CD48: variants seen among roughly 807,000 people sequenced by gnomAD.
CD48 encodes the protein CD48 antigen.
A neutral mutation model predicts 22.0 loss-of-function variants in CD48; 20 were observed. The ratio of observed to expected loss-of-function variants is 0.91; its 90% CI spans 0.64 to 1.32. The LOEUF is 1.32. CD48 is among the 40% of genes most tolerant of loss of function. The probability of loss-of-function intolerance (pLI) is 0.00; values close to 1 mark genes in which losing one functional copy is unlikely to be tolerated. For synonymous variants in CD48, 110 were observed against 110.1 expected, an observed-to-expected ratio of 1.00 and a Z score of 0.01; for missense variants, 307 against 286.5, an observed-to-expected ratio of 1.07 and a Z score of -0.52.
At chr1:160,680,198 A>G (rs1661743591) in intron 3 of CD48, among the ~76,000 whole-genome samples, 1 of 152,216 alleles carries the variant, frequency 6.6e-6, no homozygotes, top group Admixed American at 6.5e-5. Flanking sequence ...GGTCTGAGTT[A>G]TTCTAGAAGA....
chr1:160,709,846 C>T (rs1486538297), intron 1 of CD48, among the ~76,000 whole-genome samples: 1 of 152,228 alleles, frequency 6.6e-6, no homozygotes, highest in African/African-American at 2.4e-5. Flanking sequence ...AGCAGCACAA[C>T]ACTGCACATG....
At chr1:160,681,841 C>T (rs1370848093) in intron 2 of CD48, among the ~76,000 whole-genome samples, 1 of 152,186 alleles carries the variant, frequency 6.6e-6, no homozygotes, top group South Asian at 2.1e-4. Flanking sequence ...TCTCTAGCAA[C>T]GGTTCATGGC....
chr1:160,693,383 C>T (rs1479552183), intron 1 of CD48, among the ~76,000 whole-genome samples: 2 of 152,230 alleles, frequency 1.3e-5, no homozygotes, highest in Non-Finnish European at 2.9e-5. Context: ...AGGAAAGGTT[C>T]CCGCAGGATC....
At chr1:160,701,735 A>G (rs1159710142) in intron 1 of CD48, among the ~76,000 whole-genome samples, 1 of 152,200 alleles carries the variant, frequency 6.6e-6, no homozygotes, top group African/African-American at 2.4e-5. Flanking sequence ...CATCAGGGCC[A>G]GTGCAAAGCA....
At chr1:160,689,961 T>G (rs986113579) in intron 1 of CD48, among the ~76,000 whole-genome samples, 5 of 152,230 alleles carry the variant, frequency 3.3e-5, no homozygotes, top group Non-Finnish European at 7.3e-5. Flanking sequence ...TACAGTATTA[T>G]CTTTAGGAAC....
In CD48 at chr1:160,700,565, A is replaced by G. The variant is rs112383356; in HGVS notation, c.82+11117T>C. 1.8e-4 allele frequency among the ~76,000 whole-genome samples: 27 copies of G among 152,298 alleles called. No individual in the cohort carries two copies. In the South Asian group the frequency reaches 5.4e-3, roughly 30 times the overall value. ...AAAACTAGAAGCTGAAAAGGCTGAA[A>G]TGGCTGTACTCTAGATAACTGGGCA... On this transcript the variant is annotated intron_variant, in intron 1 of 3. Coordinates refer to ENST00000368046, the MANE Select transcript of CD48 (RefSeq NM_001778.4).
rs202235939 is a variant in CD48 at position 160,679,109 on chromosome 1, C to G, written c.675G>C (p.Trp225Cys). The G allele has an allele frequency of 1.4e-4, 230 of 1,613,996 alleles. 1 individual carries two copies. The highest frequency in any genetic ancestry group is 2.2e-5 in the East Asian group (1 of 44,896). ...CTLARSFGVE[W>C]IASWLVVTVP... Reference sequence around the variant, plus strand: ...CCGTGACCACTAGCCAACTTGCAATCCATTCTACTCCAAAGGACCGGGCTG... The same window carrying G: ...CCGTGACCACTAGCCAACTTGCAATGCATTCTACTCCAAAGGACCGGGCTG... Residue 225 changes from tryptophan to cysteine, a missense_variant, in exon 4 of 4, where the codon TGG becomes TGC. Trp to Cys is a radical substitution (Grantham distance 215). Coordinates refer to ENST00000368046, the MANE Select transcript of CD48 (RefSeq NM_001778.4).
chr1:160,696,289 G>A (rs894118671), intron 1 of CD48, among the ~76,000 whole-genome samples: 42 of 151,036 alleles, frequency 2.8e-4, no homozygotes, highest in South Asian at 1.3e-3. Context: ...TGTAGTACAG[G>A]CTACAAGGGA....
intron 3 of CD48, 117 bp downstream of exon 3, chr1:160,681,085 C>A (rs769181478): frequency 1.3e-6 from 2 of 1,562,808 alleles, no homozygotes; most frequent in African/African-American, 1.4e-5. Flanking sequence ...CTCCCAGACA[C>A]CTTAGGGATT....
intron 1 of CD48, among the ~76,000 whole-genome samples, chr1:160,689,324 G>A (rs774824682): frequency 6.6e-6 from 1 of 152,062 alleles, no homozygotes; most frequent in Non-Finnish European, 1.5e-5. Flanking sequence ...GTAGATTTCT[G>A]CAGGAGCATC....
At chr1:160,679,212 C>G in intron 3 of CD48, 81 bp from the exon 4 acceptor site, 2 of 1,070,720 alleles carry the variant, frequency 1.9e-6, no homozygotes, top group Non-Finnish European at 2.9e-6. Flanking sequence ...GTACTGGACA[C>G]TGGTGTGGGA....
chr1:160,709,930 G>A (rs1272008439), intron 1 of CD48, among the ~76,000 whole-genome samples: 1 of 152,130 alleles, frequency 6.6e-6, no homozygotes, highest in African/African-American at 2.4e-5. Context: ...TGGAGCCTGA[G>A]GTTCCCATCT....
At chr1:160,699,668 T>C (rs59265097) in intron 1 of CD48, 39,989 of 152,134 alleles carry the variant, frequency 0.26, 5,999 homozygotes, top group Non-Finnish European at 0.35. Flanking sequence ...AATACTGCTT[T>C]GTAAAGCATT....
In CD48 at chr1:160,680,942, G is replaced by C. The variant is rs960590252; in HGVS notation, c.652+260C>G. 1.7e-5 allele frequency: 25 copies of C among 1,433,184 alleles called. No individual in the cohort carries two copies. In the African/African-American group the frequency reaches 3.2e-4, roughly 18 times the overall value. The allele number at this position is 1,433,184 out of a possible 1,614,324, so 88.8% of individuals were successfully genotyped here. ...TTAGGACTATGCTTTGTTAGAGCGG[G>C]AGAGGGAAGAGGAGTATCAGAGATC... On this transcript the variant is annotated intron_variant, in intron 3 of 3. Coordinates refer to ENST00000368046, the MANE Select transcript of CD48 (RefSeq NM_001778.4).
intron 3 of CD48, 104 bp from the exon 4 acceptor site, chr1:160,679,235 G>C (rs1558028718): frequency 8.2e-6 from 7 of 850,534 alleles, no homozygotes; most frequent in Middle Eastern, 4.4e-4. Context: ...TCACAGAGCA[G>C]GGAAATTAAT....
At chr1:160,679,166 T>C in intron 3 of CD48, 35 bp from the exon 4 acceptor site, 1 of 1,556,384 alleles carries the variant, frequency 6.4e-7, no homozygotes, top group South Asian at 1.1e-5. Context: ...TGCTTAGGTA[T>C]CTTTATCTTG....
At chr1:160,704,342 C>T (rs1246357370) in intron 1 of CD48, among the ~76,000 whole-genome samples, 3 of 152,202 alleles carry the variant, frequency 2.0e-5, no homozygotes, top group African/African-American at 7.2e-5. Context: ...CAGTTATGGG[C>T]ATTTTGAGGT....
chr1:160,681,328 G>T lies in CD48; in HGVS notation c.526C>A (p.Leu176Ile). The change falls in exon 3 of 4, where the codon CTC becomes ATC. Residue 176 changes from leucine (L) to isoleucine (I), a missense_variant. Physicochemically the swap from Leu to Ile is conservative, Grantham distance 5. Transcript: ENST00000368046. ...GTGGTTTCAAGCACACTGTTCTGGA[G>T]CTCCTTTGGGAAGGGCCTTTTGTCC... ...YGDKRPFPKE[L>I]QNSVLETTLM... is the part of the protein sequence containing the mutation. 1 of 1,614,206 alleles carries T rather than the reference G, an allele frequency of 6.2e-7. No individual in the cohort carries two copies. The highest frequency in any genetic ancestry group is 8.5e-7 in the Non-Finnish European group (1 of 1,180,034).
chr1:160,700,671 TCC>T (rs1319713306), intron 1 of CD48, among the ~76,000 whole-genome samples: 1 of 152,140 alleles, frequency 6.6e-6, no homozygotes, highest in Non-Finnish European at 1.5e-5. Context: ...GATTGGAATC[TCC>T]CCGCAACATA....
Sources: gnomAD v4.1 joint callset for allele counts (sites outside exome capture counted in the v4.1 genomes callset) on GRCh38, gnomAD v4.1.1 for gene constraint, MANE v1.5 for transcripts, NCBI Gene and HGNC (gene_info 2026-07-23, HGNC 2026-07-21) for gene names.